MAPK8: variants seen among roughly 807,000 people sequenced by gnomAD.
MAPK8 encodes JUN N-terminal kinase.
Under a neutral mutation model 52.9 loss-of-function variants are expected in MAPK8, and 13 were observed. The observed-to-expected ratio is 0.25, with a 90% CI of 0.16 to 0.39. The LOEUF (loss-of-function observed/expected upper bound fraction) is 0.39, where lower values mean the gene tolerates loss of function less well. MAPK8 is among the 10% of genes least tolerant of loss of function. The pLI is 1.00. For missense variants in MAPK8, 300 were observed against 519.2 expected (o/e 0.58, Z 4.10); for synonymous variants, 191 against 169.8 (o/e 1.12, Z -0.97).
intron 1 of MAPK8, among the ~76,000 whole-genome samples, chr10:48,387,359 C>T (rs572566711): frequency 6.6e-6 from 1 of 152,030 alleles, no homozygotes; most frequent in Non-Finnish European, 1.5e-5. Flanking sequence ...TACGGAGGGT[C>T]TGTGGGAGTA....
chr10:48,403,363 C>T (rs983884421), intron 2 of MAPK8, among the ~76,000 whole-genome samples: 2 of 151,254 alleles, frequency 1.3e-5, no homozygotes, highest in Admixed American at 1.3e-4. Flanking sequence ...GAGGCGGAGG[C>T]AGGAGAATAG....
At chr10:48,390,215 A>G (rs951304142) in intron 1 of MAPK8, among the ~76,000 whole-genome samples, 1 of 152,198 alleles carries the variant, frequency 6.6e-6, no homozygotes, top group African/African-American at 2.4e-5. Flanking sequence ...TACTGATTGA[A>G]TGAGGCCCAC....
chr10:48,355,199 G>T (rs1275715520), intron 1 of MAPK8, among the ~76,000 whole-genome samples: 1 of 152,188 alleles, frequency 6.6e-6, no homozygotes, highest in African/African-American at 2.4e-5. Flanking sequence ...AATTATAGTA[G>T]TTGAAACTTT....
Position 48,424,168 on chromosome 10 carries a change from G to A in MAPK8, c.688+9G>A, listed in dbSNP as rs114385745. Reference sequence around the variant, plus strand: ...CTTTCCAGGAAGGGACTGTATCCTTGTGCTGCTGCAGCAGTTAATTAGTTA... The same window carrying A: ...CTTTCCAGGAAGGGACTGTATCCTTATGCTGCTGCAGCAGTTAATTAGTTA... On this transcript the variant is annotated intron_variant, in intron 7 of 11. Coordinates refer to ENST00000374189, the MANE Select transcript of MAPK8 (RefSeq NM_001323329.2). The A allele has an allele frequency of 1.1e-5, 17 of 1,610,102 alleles. No homozygotes were observed. The African/African-American group carries it at 1.9e-4, about 18-fold the overall frequency.
chr10:48,404,636 A>G (rs753472808), intron 2 of MAPK8, among the ~76,000 whole-genome samples: 2 of 152,218 alleles, frequency 1.3e-5, no homozygotes, highest in Admixed American at 6.5e-5. Context: ...GGCATAGTCC[A>G]CTGTCTATTT....
intron 1 of MAPK8, among the ~76,000 whole-genome samples, chr10:48,360,597 T>C (rs1001488913): frequency 3.9e-5 from 6 of 152,168 alleles, no homozygotes; most frequent in African/African-American, 1.4e-4. Flanking sequence ...TGTGGTATAT[T>C]CATGTAGTGG....
rs10657070 is a variant in MAPK8 at position 48,405,106 on chromosome 10, GAT to G, written c.252+146_252+147del. On this transcript the variant is annotated intron_variant, in intron 3 of 11. Transcript: ENST00000374189. ...CTGTATTAAAACATTGTTTAAAAGG[GAT>G]ATATATATATATATATATATCTACA... 0.061 allele frequency: 14,201 copies of G among 233,612 alleles called. 233 individuals are homozygous for G. Among genetic ancestry groups the G allele is most frequent in the African/African-American group, 0.083 (3,528 of 42,488 alleles). 14.5% of individuals were successfully genotyped at this position (233,612 alleles called of 1,614,324 possible).
At chr10:48,403,745 T>C (rs1379040198) in intron 2 of MAPK8, among the ~76,000 whole-genome samples, 1 of 150,818 alleles carries the variant, frequency 6.6e-6, no homozygotes, top group Non-Finnish European at 1.5e-5. Flanking sequence ...TTTTTTGTTT[T>C]TTTGTTTTTT....
chr10:48,384,239 G>C (rs1214175013), intron 1 of MAPK8, among the ~76,000 whole-genome samples: 1 of 152,140 alleles, frequency 6.6e-6, no homozygotes, highest in Non-Finnish European at 1.5e-5. Flanking sequence ...GCGACAGAGC[G>C]AGACAGTCTC....
chr10:48,429,625 C>T (rs1471711900), intron 10 of MAPK8, among the ~76,000 whole-genome samples: 1 of 152,164 alleles, frequency 6.6e-6, no homozygotes, highest in African/African-American at 2.4e-5. Context: ...TTAAAAAATC[C>T]TCTTACTGCA....
chr10:48,426,886 GTTAAACA>G, intron 9 of MAPK8, 187 bp from the exon 10 acceptor site: 1 of 522,908 alleles, frequency 1.9e-6, no homozygotes, highest in Non-Finnish European at 3.4e-6. Flanking sequence ...AAAAAAGACA[GTTAAACA>G]TTTTATTTCC....
chr10:48,354,090 C>T (rs1397349151), intron 1 of MAPK8, among the ~76,000 whole-genome samples: 1 of 152,094 alleles, frequency 6.6e-6, no homozygotes, highest in African/African-American at 2.4e-5. Context: ...AAACTGGGTG[C>T]AGGGTACAGG....
At chr10:48,335,441 T>A (rs895570539) in intron 1 of MAPK8, among the ~76,000 whole-genome samples, 3 of 152,178 alleles carry the variant, frequency 2.0e-5, no homozygotes, top group African/African-American at 7.2e-5. Flanking sequence ...TATCAAAAAA[T>A]TATTTATTAC....
intron 5 of MAPK8, among the ~76,000 whole-genome samples, chr10:48,413,511 A>G (rs1395930295): frequency 1.3e-5 from 2 of 151,680 alleles, no homozygotes; most frequent in African/African-American, 4.9e-5. Context: ...TTAAGTTGCC[A>G]TTTTCTTGGT....
intron 5 of MAPK8, among the ~76,000 whole-genome samples, chr10:48,417,485 A>G: frequency 6.6e-6 from 1 of 152,208 alleles, no homozygotes; most frequent in East Asian, 1.9e-4. Context: ...GCTTAAGGCA[A>G]TATTTATTGT....
chr10:48,363,068 G>A (rs966663626), intron 1 of MAPK8, among the ~76,000 whole-genome samples: 1 of 151,700 alleles, frequency 6.6e-6, no homozygotes, highest in Non-Finnish European at 1.5e-5. Flanking sequence ...ATGGGGCCTC[G>A]CTGTGTTGCC....
At chr10:48,428,813 TG>T (rs1385040257) in intron 10 of MAPK8, among the ~76,000 whole-genome samples, 3 of 152,052 alleles carry the variant, frequency 2.0e-5, no homozygotes, top group African/African-American at 7.2e-5. Flanking sequence ...TTTTTTTGGT[TG>T]TTTTTTTTGT....
intron 1 of MAPK8, among the ~76,000 whole-genome samples, chr10:48,354,222 A>G (rs1846624648): frequency 6.6e-6 from 1 of 152,216 alleles, no homozygotes; most frequent in Admixed American, 6.5e-5. Flanking sequence ...GAAAAAAAGA[A>G]AACAAGGGAA....
chr10:48,342,564 A>G (rs1331652981), intron 1 of MAPK8, among the ~76,000 whole-genome samples: 2 of 152,226 alleles, frequency 1.3e-5, no homozygotes, highest in Non-Finnish European at 2.9e-5. Context: ...TGGCAAACCT[A>G]TTAGGGAACT....
Sources: allele counts gnomAD v4.1 joint callset (sites outside exome capture counted in the v4.1 genomes callset), GRCh38; gene constraint gnomAD v4.1.1; transcripts MANE v1.5; gene names NCBI Gene and HGNC (gene_info 2026-07-23, HGNC 2026-07-21).